SNX8: variants seen among roughly 807,000 people sequenced by gnomAD.
SNX8 encodes the protein sorting nexin-8.
SNX8 carries 25 observed loss-of-function variants against 51.6 expected under a neutral mutation model. That is an observed-to-expected ratio of 0.48 (90% confidence interval 0.35 to 0.68). The LOEUF (loss-of-function observed/expected upper bound fraction) is 0.68. Ranked by LOEUF, SNX8 falls within the 30% of genes least tolerant of loss-of-function variation. The pLI, the probability that SNX8 is intolerant of heterozygous loss-of-function variation, is 0.00. For missense variants in SNX8, 695 were observed against 624.0 expected, an observed-to-expected ratio of 1.11 and a Z score of -1.21; for synonymous variants, 324 against 277.0, an observed-to-expected ratio of 1.17 and a Z score of -1.68.
chr7:2,316,247 CCACT>C (rs370702702), upstream of SNX8, among the ~76,000 whole-genome samples: 66 of 134,530 alleles, frequency 4.9e-4, no homozygotes, highest in East Asian at 8.6e-3. Context: ...ATTCATTCAC[CCACT>C]CACTCACTCT....
In SNX8 at chr7:2,257,345, T is replaced by G. The variant is rs1453997531; in HGVS notation, c.1134+20A>C. The stretch of plus-strand genomic sequence containing the variant: ...AGGGGAAAGGCTCCCACGGGCCTGC[T>G]CGGCCGCCCCGCCACCCACCTCCAC... On this transcript the variant is annotated intron_variant, in intron 9 of 10. Transcript: ENST00000222990. The G allele has an allele frequency of 2.5e-6, 4 of 1,597,734 alleles. No individual in the cohort carries two copies. The highest frequency in any genetic ancestry group is 3.4e-6 in the Non-Finnish European group (4 of 1,177,334).
intron 9 of SNX8, 128 bp from the exon 10 acceptor site, chr7:2,257,151 G>A (rs984586492): frequency 2.2e-4 from 282 of 1,265,710 alleles, no homozygotes; most frequent in Non-Finnish European, 2.7e-4. Flanking sequence ...GCATTTGGAA[G>A]GTGGCGAGGT....
At chr7:2,272,115 TCAGA>T (rs1371812596) in intron 3 of SNX8, 144 bp from the exon 4 acceptor site, 3 of 1,153,788 alleles carry the variant, frequency 2.6e-6, no homozygotes, top group African/African-American at 3.1e-5. Context: ...CCAGTGCTGC[TCAGA>T]CAATGGGTCT....
chr7:2,269,803 A>T (rs1333439526), intron 4 of SNX8, among the ~76,000 whole-genome samples, 164 bp from the exon 5 acceptor site: 1 of 152,158 alleles, frequency 6.6e-6, no homozygotes, highest in Non-Finnish European at 1.5e-5. Context: ...ACTCTCCCTT[A>T]GATGTTTTTC....
Position 2,314,353 on chromosome 7 carries a change from G to T in SNX8, c.69C>A (p.Asp23Glu), listed in dbSNP as rs771373456. ...CTGACGCCGGGGGATCCGCCTCCTC[G>T]TCAGCCTCCGCCTCAGCTGCCGCCC... ...AVGAAAEAEA[D>E]EEADPPASDL... The change falls in exon 1 of 11, where the codon GAC (aspartate) becomes GAA (glutamate). Residue 23 changes from aspartate (D) to glutamate (E), a missense_variant. Asp to Glu is a conservative substitution (Grantham distance 45). Transcript: ENST00000222990. 117 of 1,224,008 alleles carry T rather than the reference G, an allele frequency of 9.6e-5. No homozygotes were observed. The highest frequency in any genetic ancestry group is 4.3e-5 in the Admixed American group (1 of 23,368). The allele number at this position is 1,224,008 out of a possible 1,614,324, so 75.8% of individuals were successfully genotyped here. A position where few individuals can be genotyped will look rare whatever the true frequency, so the allele number is the denominator to read the frequency against.
Position 2,347,158 on chromosome 7 carries a change from G to A in SNX8, c.-66+7064C>T, listed in dbSNP as rs576116783. Among the ~76,000 whole-genome samples the A allele has an allele frequency of 4.6e-5, 7 of 151,934 alleles. No homozygotes were observed. In the East Asian group the frequency reaches 5.8e-4, roughly 13 times the overall value. On this transcript the variant is annotated intron_variant, in intron 1 of 5. Coordinates refer to the SNX8 transcript ENST00000435336. ...GGGGCAACATAGCTAGACACCCTCC[G>A]CCCCCACCATCTCCACAAAACAATA...
chr7:2,285,211 CAAAAAAAAAAA>C (rs58401507), intron 1 of SNX8, among the ~76,000 whole-genome samples: 1 of 70,954 alleles, frequency 1.4e-5, no homozygotes, highest in Non-Finnish European at 2.6e-5. Flanking sequence ...GACTCCGTCT[CAAAAAAAAAAA>C]AAAAAAAATG....
At chr7:2,292,299 A>G (rs1436257668) in intron 1 of SNX8, among the ~76,000 whole-genome samples, 6 of 152,064 alleles carry the variant, frequency 3.9e-5, no homozygotes, top group African/African-American at 1.4e-4. Context: ...CTCACACCAT[A>G]TATGATAACT....
upstream of SNX8, chr7:2,314,607 GC>G: frequency 2.3e-6 from 1 of 441,250 alleles, no homozygotes; most frequent in South Asian, 9.7e-5. Context: ...AACCCGCCTA[GC>G]CACGCCCACA....
chr7:2,300,442 A>T (rs1796365469), intron 1 of SNX8, among the ~76,000 whole-genome samples: 1 of 152,044 alleles, frequency 6.6e-6, no homozygotes, highest in African/African-American at 2.4e-5. Flanking sequence ...CAGAGTCTTG[A>T]TCTGTTGTCA....
At chr7:2,343,865 C>G (rs896252569) in intron 1 of SNX8, among the ~76,000 whole-genome samples, 2 of 151,448 alleles carry the variant, frequency 1.3e-5, no homozygotes, top group African/African-American at 4.9e-5. Flanking sequence ...CTAAAAAATA[C>G]AAAATTAGCC....
At chr7:2,298,189 T>C (rs1562445168) in intron 1 of SNX8, among the ~76,000 whole-genome samples, 1 of 152,040 alleles carries the variant, frequency 6.6e-6, no homozygotes, top group Non-Finnish European at 1.5e-5. Context: ...GCTCGCACAG[T>C]GCGAGATCAC....
At chr7:2,310,887 A>G (rs894977492) in intron 1 of SNX8, among the ~76,000 whole-genome samples, 8 of 152,226 alleles carry the variant, frequency 5.3e-5, no homozygotes, top group Non-Finnish European at 8.8e-5. Context: ...ACATATATGA[A>G]TAAAATGTGA....
chr7:2,278,637 G>A (rs1207621754), intron 1 of SNX8, among the ~76,000 whole-genome samples: 1 of 142,936 alleles, frequency 7.0e-6, no homozygotes, highest in African/African-American at 2.6e-5. Context: ...ACACTACGGA[G>A]TCGAAGCCGG....
At chr7:2,334,137 C>T (rs988793009) in intron 1 of SNX8, among the ~76,000 whole-genome samples, 1 of 152,092 alleles carries the variant, frequency 6.6e-6, no homozygotes, top group African/African-American at 2.4e-5. Flanking sequence ...GGGCACAGGC[C>T]AGGCACGGTG....
intron 1 of SNX8, among the ~76,000 whole-genome samples, chr7:2,298,273 A>T (rs767042140): frequency 1.1e-4 from 16 of 151,774 alleles, no homozygotes; most frequent in Non-Finnish European, 2.2e-4. Flanking sequence ...CTGCCCCATC[A>T]TGTGCAGCTA....
At chr7:2,324,517 C>T (rs1405027973) in intron 1 of SNX8, among the ~76,000 whole-genome samples, 1 of 151,982 alleles carries the variant, frequency 6.6e-6, no homozygotes, top group Non-Finnish European at 1.5e-5. Flanking sequence ...TCTCGAACTC[C>T]TGAGCTCAGG....
chr7:2,281,575 A>G (rs1193466879), intron 1 of SNX8, among the ~76,000 whole-genome samples: 4 of 152,092 alleles, frequency 2.6e-5, no homozygotes, highest in Admixed American at 6.6e-5. Context: ...TCAATACTCT[A>G]TCAAACTGAC....
intron 1 of SNX8, among the ~76,000 whole-genome samples, chr7:2,296,380 TG>T (rs745953050): frequency 1.5e-4 from 23 of 152,052 alleles, no homozygotes; most frequent in Admixed American, 6.6e-5. Context: ...ATTCTCAGCT[TG>T]GTCGCTGCTG....
Sources: allele counts gnomAD v4.1 joint callset (sites outside exome capture counted in the v4.1 genomes callset), GRCh38; gene constraint gnomAD v4.1.1; transcripts MANE v1.5; gene names NCBI Gene and HGNC (gene_info 2026-07-23, HGNC 2026-07-21).